The following ZNF821 variants were observed in gnomAD, a reference collection of about 807,000 sequenced individuals.
ZNF821 encodes zinc finger protein 821.
A neutral mutation model predicts 44.3 loss-of-function variants in ZNF821; 16 were observed. The ratio of observed to expected loss-of-function variants is 0.36; its 90% CI spans 0.24 to 0.55. The LOEUF (loss-of-function observed/expected upper bound fraction) is 0.55. Ranked by LOEUF, ZNF821 falls within the 20% of genes least tolerant of loss-of-function variation. The probability of loss-of-function intolerance (pLI) is 0.86; values close to 1 mark genes in which losing one functional copy is unlikely to be tolerated. For synonymous variants in ZNF821, 204 were observed against 197.6 expected, an observed-to-expected ratio of 1.03 and a Z score of -0.27; for missense variants, 436 against 547.6, an observed-to-expected ratio of 0.80 and a Z score of 2.03.
upstream of ZNF821, among the ~76,000 whole-genome samples, chr16:71,888,026 G>A (rs973881571): frequency 5.3e-5 from 8 of 151,570 alleles, no homozygotes; most frequent in Admixed American, 2.6e-4. Flanking sequence ...ACAGGCACAC[G>A]CCACCACACC....
chr16:71,867,766 T>G (rs1469517315), intron 4 of ZNF821, 146 bp downstream of exon 4: 1 of 1,073,676 alleles, frequency 9.3e-7, no homozygotes, highest in Non-Finnish European at 1.3e-6. Context: ...CCACACACCT[T>G]AGACCACCTT....
At chr16:71,863,949 C>T (rs541000271) in intron 6 of ZNF821, among the ~76,000 whole-genome samples, 189 bp downstream of exon 6, 28 of 152,308 alleles carry the variant, frequency 1.8e-4, no homozygotes, top group South Asian at 8.3e-4. Context: ...CTACCCGCCT[C>T]GGCTTCCCAC....
intron 2 of ZNF821, among the ~76,000 whole-genome samples, chr16:71,880,823 G>A (rs971513347): frequency 1.3e-5 from 2 of 152,122 alleles, no homozygotes; most frequent in East Asian, 1.9e-4. Flanking sequence ...GTAGCAAAGA[G>A]AACAGTGGGA....
At chr16:71,883,299 G>A in intron 1 of ZNF821, 26 bp from the exon 2 acceptor site, 1 of 433,848 alleles carries the variant, frequency 2.3e-6, no homozygotes, top group South Asian at 1.6e-5. Flanking sequence ...GGACAAGAAA[G>A]CTGGTCACTT....
upstream of ZNF821, among the ~76,000 whole-genome samples, chr16:71,888,534 T>A (rs963698783): frequency 6.6e-6 from 1 of 152,204 alleles, no homozygotes; most frequent in Non-Finnish European, 1.5e-5. Context: ...AGACTGTTCT[T>A]TCCCCCTTTG....
rs570397862 is a variant in ZNF821, at chr16:71,865,827, A to G, written c.167-779T>C. Among the ~76,000 whole-genome samples, 13 of 152,334 alleles carry G rather than the reference A, an allele frequency of 8.5e-5. No homozygotes were observed. In the East Asian group the frequency reaches 2.5e-3, roughly 29 times the overall value. ...CGGGCCATTCTTTAGGATGAAATGT[A>G]ATTTCTTGTGACTAACATAGGAATT... On this transcript the variant is annotated intron_variant, in intron 4 of 7. Transcript: ENST00000425432.
intron 3 of ZNF821, among the ~76,000 whole-genome samples, chr16:71,874,244 G>A (rs952444414): frequency 6.6e-6 from 1 of 152,034 alleles, no homozygotes; most frequent in Non-Finnish European, 1.5e-5. Flanking sequence ...TTACAGGCAT[G>A]AGCCACTGAG....
intron 3 of ZNF821, among the ~76,000 whole-genome samples, chr16:71,868,533 C>G (rs2034810493): frequency 6.6e-6 from 1 of 152,230 alleles, no homozygotes; most frequent in Non-Finnish European, 1.5e-5. Context: ...CTAACCCCAT[C>G]TTTCATCCAC....
In ZNF821 at chr16:71,864,218, G is replaced by C. The variant is rs1447521659; in HGVS notation, c.337C>G (p.Pro113Ala). 2 of 1,614,020 alleles carry C rather than the reference G, an allele frequency of 1.2e-6. No homozygotes were observed. Among genetic ancestry groups the C allele is most frequent in the African/African-American group, 2.7e-5 (2 of 74,890 alleles). The change falls in exon 6 of 8, where the codon CCC becomes GCC. Residue 113 changes from proline to alanine, a missense_variant. By Grantham distance (27) the Pro-to-Ala change is conservative (BLOSUM62 -1). Around this residue, in one of 5 missense-constraint regions of ZNF821, gnomAD observed 238 missense variants for 281.4 expected, o/e 0.85. Transcript: ENST00000425432. The part of the protein sequence containing the change: ...HEVTGNLNSD[P>A]LLELCQCPLC... ...GGACACTGGCAGAGTTCAAGCAAGG[G>C]GTCAGAATTCAAATTCCCTGTGACC...
In ZNF821 at chr16:71,884,095, C is replaced by T. The variant is rs1355011727; in HGVS notation, c.-328G>A. The T allele has an allele frequency of 6.6e-6, 1 of 152,146 alleles. No homozygotes were observed. The highest frequency in any genetic ancestry group is 2.4e-5 in the African/African-American group (1 of 41,416). 9.4% of individuals were successfully genotyped at this position (152,146 alleles called of 1,614,324 possible). On this transcript the variant is annotated 5_prime_UTR_variant, in exon 1 of 8. Transcript: ENST00000425432. The stretch of plus-strand genomic sequence containing the variant: ...GGTGGCGGGGAGCCGAGGGGCGGCG[C>T]TGCAGACGGACAAAGCCAACAGCAG...
At chr16:71,865,903 G>A (rs2034482622) in intron 4 of ZNF821, among the ~76,000 whole-genome samples, 1 of 152,228 alleles carries the variant, frequency 6.6e-6, no homozygotes, top group Admixed American at 6.5e-5. Context: ...AGGTCTGCCT[G>A]TGGCTGGGGA....
chr16:71,889,131 C>T (rs2036872708), upstream of ZNF821, among the ~76,000 whole-genome samples: 1 of 152,016 alleles, frequency 6.6e-6, no homozygotes, highest in Admixed American at 6.6e-5. Context: ...TACCTGTAGT[C>T]CAAGCTACTT....
At chr16:71,877,751 T>C (rs904105492) in intron 3 of ZNF821, among the ~76,000 whole-genome samples, 2 of 151,316 alleles carry the variant, frequency 1.3e-5, no homozygotes, top group African/African-American at 4.9e-5. Context: ...AAACCCCGTC[T>C]CTACAAAAAA....
At chr16:71,875,396 G>A (rs961074941) in intron 3 of ZNF821, among the ~76,000 whole-genome samples, 20 of 151,274 alleles carry the variant, frequency 1.3e-4, no homozygotes, top group African/African-American at 4.1e-4. Context: ...ATTCTCCCGT[G>A]TTAGTCTCCT....
intron 3 of ZNF821, among the ~76,000 whole-genome samples, chr16:71,869,905 G>A (rs774583953): frequency 6.6e-6 from 1 of 152,110 alleles, no homozygotes; most frequent in Non-Finnish European, 1.5e-5. Flanking sequence ...CTAAAGTGTT[G>A]GAATTACAGG....
upstream of ZNF821, chr16:71,884,882 G>T: frequency 8.1e-6 from 1 of 123,080 alleles, no homozygotes; most frequent in South Asian, 2.8e-4. Flanking sequence ...TTTTGAGACA[G>T]AGTCTCGCTC....
upstream of ZNF821, among the ~76,000 whole-genome samples, chr16:71,886,898 T>C (rs1461222184): frequency 1.3e-5 from 2 of 152,262 alleles, no homozygotes; most frequent in Non-Finnish European, 1.5e-5. Flanking sequence ...GGACATTTCA[T>C]ATAAATGTGA....
At chr16:71,877,551 C>T (rs1010254028) in intron 3 of ZNF821, among the ~76,000 whole-genome samples, 7 of 152,230 alleles carry the variant, frequency 4.6e-5, no homozygotes, top group African/African-American at 1.7e-4. Context: ...TGAGCCACTG[C>T]GCCCAGCCTA....
intron 3 of ZNF821, among the ~76,000 whole-genome samples, chr16:71,872,774 A>C (rs1016715781): frequency 3.8e-4 from 58 of 152,348 alleles, no homozygotes; most frequent in Non-Finnish European, 2.1e-4. Flanking sequence ...ATGCTAACAG[A>C]ATAAATAAAA....
Sources: allele counts gnomAD v4.1 joint callset (sites outside exome capture counted in the v4.1 genomes callset), GRCh38; gene constraint gnomAD v4.1.1; regional missense constraint gnomAD v4.1.1; transcripts MANE v1.5; gene names NCBI Gene and HGNC (gene_info 2026-07-23, HGNC 2026-07-21).